Variants in CACNA1A observed in about 807,000 individuals in gnomAD.
CACNA1A encodes the protein voltage-dependent P/Q-type calcium channel subunit alpha-1A.
In CACNA1A, 57 loss-of-function variants were observed where a neutral mutation model predicts 262.4. The observed-to-expected ratio is 0.22, with a 90% CI of 0.18 to 0.27. CACNA1A has a LOEUF of 0.27. Ranked by LOEUF, CACNA1A falls within the 10% of genes least tolerant of loss-of-function variation. The pLI, the probability that CACNA1A is intolerant of heterozygous loss-of-function variation, is 1.00. For synonymous variants in CACNA1A, 1,431 were observed against 1,419.3 expected, an observed-to-expected ratio of 1.01 and a Z score of -0.18; for missense variants, 2,526 against 3,562.8, an observed-to-expected ratio of 0.71 and a Z score of 7.41.
rs752572390 is a variant in CACNA1A at position 13,312,726 on chromosome 19, C to A, written c.1611G>T (p.Met537Ile). 6 of 1,595,962 alleles carry A rather than the reference C, an allele frequency of 3.8e-6. No homozygotes were observed. Among genetic ancestry groups the A allele is most frequent in the South Asian group, 1.1e-5 (1 of 87,348 alleles). ...AGTAAGGCCGCGTCCCAAGCCCGTACATTTTTATAAACATTTCGGACATAA... is the reference window on the plus strand; with the variant it reads ...AGTAAGGCCGCGTCCCAAGCCCGTAAATTTTTATAAACATTTCGGACATAA... ...GLFMSEMFIKMYGLGTRPYFH... is the reference protein window; with the variant it reads ...GLFMSEMFIKIYGLGTRPYFH... Residue 537 changes from methionine (M) to isoleucine (I), a missense_variant, in exon 12 of 47, where the codon ATG becomes ATT. Around this residue, in one of 17 missense-constraint regions of CACNA1A, gnomAD observed 102 missense variants for 278.9 expected, o/e 0.37. Coordinates refer to ENST00000360228, the MANE Select transcript of CACNA1A (RefSeq NM_001127222.2).
intron 4 of CACNA1A, among the ~76,000 whole-genome samples, chr19:13,369,167 AGCTGCTATG>A (rs2059273476): frequency 6.6e-6 from 1 of 151,906 alleles, no homozygotes; most frequent in Admixed American, 6.6e-5. Flanking sequence ...CCCGCCCTCC[AGCTGCTATG>A]GATGTTGGTT....
chr19:13,212,178 G>A lies in CACNA1A; in HGVS notation c.6228C>T (p.Ser2076=), dbSNP rs781315895. ...EMREMGRDGY[S]DSEHYLPMEG... ...CCATGGGGAGGTAGTGCTCGCTGTC[G>A]GAGTAGCCATCTCTGCCCATCTCTC... is the stretch of plus-strand genomic sequence containing the variant. Residue 2076 remains serine, a synonymous_variant, in exon 43 of 47, where the codon TCC becomes TCT. Coordinates refer to ENST00000360228, the MANE Select transcript of CACNA1A (RefSeq NM_001127222.2). The surrounding 1 kb of genome is among the most constrained non-coding windows in gnomAD (Gnocchi z 5.6). 27 of 1,613,790 alleles carry A rather than the reference G, an allele frequency of 1.7e-5. No individual in the cohort carries two copies. The highest frequency in any genetic ancestry group is 7.7e-5 in the South Asian group (7 of 91,082).
intron 36 of CACNA1A, among the ~76,000 whole-genome samples, chr19:13,229,292 T>G (rs2055582917): frequency 6.6e-6 from 1 of 152,100 alleles, no homozygotes; most frequent in South Asian, 2.1e-4. Flanking sequence ...CAGAGGAAGA[T>G]GGGGCTTAGG....
At chr19:13,422,751 C>A (rs1230053096) in intron 3 of CACNA1A, among the ~76,000 whole-genome samples, 1 of 152,134 alleles carries the variant, frequency 6.6e-6, no homozygotes, top group Non-Finnish European at 1.5e-5. Context: ...TGTAACTGAG[C>A]CCCAATAAAA....
intron 1 of CACNA1A, among the ~76,000 whole-genome samples, chr19:13,489,035 G>A (rs147950983): frequency 0.025 from 2,299 of 93,676 alleles, 56 homozygotes; most frequent in African/African-American, 0.13. Context: ...TTTTTGAGAC[G>A]GAGTCTCTCT....
chr19:13,470,570 T>C (rs760963709), intron 1 of CACNA1A, among the ~76,000 whole-genome samples: 4 of 152,230 alleles, frequency 2.6e-5, no homozygotes, highest in Non-Finnish European at 5.9e-5. Context: ...TTTCTAGAGC[T>C]TGCATGCATT....
chr19:13,247,429 C>T (rs949755345), intron 30 of CACNA1A, among the ~76,000 whole-genome samples: 1 of 152,180 alleles, frequency 6.6e-6, no homozygotes, highest in African/African-American at 2.4e-5. Context: ...CGCGGTGGCT[C>T]ACGCCTGCAA....
intron 1 of CACNA1A, among the ~76,000 whole-genome samples, chr19:13,455,897 T>C (rs1252714721): frequency 1.5e-5 from 2 of 135,410 alleles, no homozygotes; most frequent in Admixed American, 7.4e-5. Flanking sequence ...AAGAGATAAA[T>C]TAAAAATAGA....
chr19:13,218,008 T>C (rs1202118616), intron 38 of CACNA1A, among the ~76,000 whole-genome samples: 1 of 146,324 alleles, frequency 6.8e-6, no homozygotes, highest in East Asian at 2.0e-4. Flanking sequence ...ACTCCTGGCC[T>C]CAAACGATCC....
intron 43 of CACNA1A, chr19:13,211,649 C>A (rs1293579740): frequency 5.1e-6 from 1 of 196,240 alleles, no homozygotes; most frequent in Non-Finnish European, 1.1e-5. Flanking sequence ...CACGTGCACA[C>A]ACGTGTGTGT....
At chr19:13,251,288 C>T (rs2056387896) in intron 30 of CACNA1A, among the ~76,000 whole-genome samples, 1 of 152,054 alleles carries the variant, frequency 6.6e-6, no homozygotes, top group Non-Finnish European at 1.5e-5. Context: ...TCAAGACCAT[C>T]CTGGCCAACA....
intron 30 of CACNA1A, among the ~76,000 whole-genome samples, chr19:13,250,210 C>T (rs1022135140): frequency 6.6e-6 from 1 of 151,406 alleles, no homozygotes; most frequent in Non-Finnish European, 1.5e-5. Flanking sequence ...CAGGCACACG[C>T]CACCATGCCT....
chr19:13,275,695 G>A (rs1405448372), intron 24 of CACNA1A, 155 bp downstream of exon 24: 8 of 658,130 alleles, frequency 1.2e-5, no homozygotes, highest in Admixed American at 6.6e-5. Context: ...AAAAGCCATC[G>A]AAGCTCTTCC....
At chr19:13,395,380 G>A (rs1319464050) in intron 3 of CACNA1A, among the ~76,000 whole-genome samples, 2 of 151,490 alleles carry the variant, frequency 1.3e-5, no homozygotes, top group African/African-American at 2.4e-5. Context: ...GGGAGGCCCA[G>A]GTGGTGGATC....
chr19:13,279,956 G>A (rs141743706), intron 22 of CACNA1A, among the ~76,000 whole-genome samples: 58 of 151,718 alleles, frequency 3.8e-4, no homozygotes, highest in Middle Eastern at 3.4e-3. Context: ...TTACAGTTGT[G>A]TGTTACCACG....
chr19:13,240,149 T>TAAAAAA (rs60352550), intron 31 of CACNA1A, among the ~76,000 whole-genome samples: 1 of 119,770 alleles, frequency 8.3e-6, no homozygotes, highest in African/African-American at 3.1e-5. Context: ...AGACTCTGTC[T>TAAAAAA]AAAAAAAAAA....
intron 36 of CACNA1A, 104 bp from the exon 37 acceptor site, chr19:13,227,631 G>GA: frequency 4.6e-6 from 2 of 434,894 alleles, no homozygotes; most frequent in Non-Finnish European, 8.0e-6. Context: ...ACAGAAGAAA[G>GA]AAAAAAGAAA....
At chr19:13,505,089 C>A (rs775500315) in intron 1 of CACNA1A, among the ~76,000 whole-genome samples, 6 of 152,148 alleles carry the variant, frequency 3.9e-5, no homozygotes, top group Non-Finnish European at 7.4e-5. Flanking sequence ...TAAAATGGAC[C>A]CACCACCTCA....
At chr19:13,245,865 T>C (rs930641762) in intron 30 of CACNA1A, among the ~76,000 whole-genome samples, 2 of 151,952 alleles carry the variant, frequency 1.3e-5, no homozygotes, top group Non-Finnish European at 2.9e-5. Context: ...AGAGACGGGG[T>C]TTCACCATGT....
Sources: allele counts gnomAD v4.1 joint callset (sites outside exome capture counted in the v4.1 genomes callset), GRCh38; gene constraint gnomAD v4.1.1; regional missense constraint gnomAD v4.1.1; non-coding constraint Gnocchi (gnomAD v3.1); transcripts MANE v1.5; gene names NCBI Gene and HGNC (gene_info 2026-07-23, HGNC 2026-07-21).